KCNIP3: variants seen among roughly 807,000 people sequenced by gnomAD.
KCNIP3 encodes calsenilin.
A neutral mutation model predicts 35.0 loss-of-function variants in KCNIP3; 28 were observed. The observed-to-expected ratio is 0.80, with a 90% CI of 0.59 to 1.10. The LOEUF (loss-of-function observed/expected upper bound fraction) is 1.10. KCNIP3 is among the 50% of genes least tolerant of loss of function. The pLI is 0.00. For missense variants in KCNIP3, 295 were observed against 338.4 expected, an observed-to-expected ratio of 0.87 and a Z score of 1.01; for synonymous variants, 134 against 133.8, an observed-to-expected ratio of 1.00 and a Z score of -0.01.
In KCNIP3 at chr2:95,381,487, G is replaced by A. The variant is rs1454027344; in HGVS notation, c.448-109G>A. The A allele has an allele frequency of 1.3e-5, 10 of 742,224 alleles. No homozygotes were observed. The Admixed American group carries it at 1.9e-4, about 14-fold the overall frequency. The allele number at this position is 742,224 out of a possible 1,614,324, so 46.0% of individuals were successfully genotyped here. On this transcript the variant is annotated intron_variant, in intron 5 of 8. Coordinates refer to ENST00000295225, the MANE Select transcript of KCNIP3 (RefSeq NM_013434.5). ...ATGGATGCCGTCAGTCTCTTAGGGAGGCTCTGTGCCTGTTGGAGGCGTGAA... is the reference window on the plus strand; with the variant it reads ...ATGGATGCCGTCAGTCTCTTAGGGAAGCTCTGTGCCTGTTGGAGGCGTGAA...
intron 8 of KCNIP3, 138 bp from the exon 9 acceptor site, chr2:95,383,864 C>T: frequency 1.3e-6 from 1 of 768,528 alleles, no homozygotes; most frequent in South Asian, 1.5e-5. Context: ...CCTCCCTGTC[C>T]CCCAGCTCCC....
intron 1 of KCNIP3, among the ~76,000 whole-genome samples, chr2:95,309,430 T>TC (rs1678258200): frequency 6.7e-6 from 1 of 148,470 alleles, no homozygotes; most frequent in Non-Finnish European, 1.5e-5. Context: ...GCCCACTGCT[T>TC]TTTTTTTTTT....
At chr2:95,320,604 C>T (rs1678569909) in intron 2 of KCNIP3, among the ~76,000 whole-genome samples, 1 of 152,036 alleles carries the variant, frequency 6.6e-6, no homozygotes, top group African/African-American at 2.4e-5. Context: ...TGGGAGCATC[C>T]CCTCCGGCTC....
At chr2:95,321,093 C>T (rs1403868429) in intron 2 of KCNIP3, among the ~76,000 whole-genome samples, 1 of 151,012 alleles carries the variant, frequency 6.6e-6, no homozygotes, top group African/African-American at 2.4e-5. Flanking sequence ...GCCCCCCGAG[C>T]CTTCCCTAGG....
chr2:95,328,111 T>C (rs763636366), intron 2 of KCNIP3, among the ~76,000 whole-genome samples: 12 of 152,164 alleles, frequency 7.9e-5, no homozygotes, highest in Non-Finnish European at 1.6e-4. Context: ...CCTCACCCCA[T>C]GGGGACTTCA....
intron 2 of KCNIP3, among the ~76,000 whole-genome samples, chr2:95,318,310 A>G (rs2104222077): frequency 6.6e-6 from 1 of 152,170 alleles, no homozygotes; most frequent in African/African-American, 2.4e-5. Context: ...CACTGACTCG[A>G]CCGCCCAGGC....
intron 2 of KCNIP3, among the ~76,000 whole-genome samples, chr2:95,363,070 TC>T (rs930735430): frequency 1.3e-5 from 2 of 152,224 alleles, no homozygotes; most frequent in Admixed American, 1.3e-4. Context: ...GCTATCTTCT[TC>T]TATTCTGTTG....
chr2:95,299,531 G>A (rs1422225983), intron 1 of KCNIP3, among the ~76,000 whole-genome samples: 1 of 152,198 alleles, frequency 6.6e-6, no homozygotes, highest in Non-Finnish European at 1.5e-5. Flanking sequence ...GGGAGGCACT[G>A]CCATTCCTAT....
At chr2:95,345,426 G>A (rs1366285013) in intron 2 of KCNIP3, among the ~76,000 whole-genome samples, 2 of 152,246 alleles carry the variant, frequency 1.3e-5, no homozygotes, top group African/African-American at 4.8e-5. Flanking sequence ...ACGCGCCGCG[G>A]CTCCCACCCC....
Position 95,353,367 on chromosome 2 carries a change from C to G in KCNIP3, c.182-20929C>G, listed in dbSNP as rs537213047. On this transcript the variant is annotated intron_variant, in intron 2 of 8. Transcript: ENST00000295225. ...CCAGTTCAGCTCCCCCATGAAGGGC[C>G]TTCTGGGATCAGATCGGATTCAGAG... Among the ~76,000 whole-genome samples the G allele has an allele frequency of 4.5e-4, 68 of 152,340 alleles. 1 individual carries two copies. Among genetic ancestry groups the G allele is most frequent in the South Asian group, 1.0e-3 (5 of 4,824 alleles).
chr2:95,375,806 C>A (rs2104301556), intron 5 of KCNIP3, among the ~76,000 whole-genome samples: 1 of 152,246 alleles, frequency 6.6e-6, no homozygotes, highest in South Asian at 2.1e-4. Flanking sequence ...GAGAGAGGCC[C>A]CATCTGCGGA....
At chr2:95,363,997 G>A (rs546069761) in intron 2 of KCNIP3, among the ~76,000 whole-genome samples, 23 of 152,106 alleles carry the variant, frequency 1.5e-4, no homozygotes, top group South Asian at 4.2e-4. Flanking sequence ...TTCTCAATTC[G>A]TACACTATTT....
intron 2 of KCNIP3, among the ~76,000 whole-genome samples, chr2:95,344,304 G>T (rs544023156): frequency 5.9e-5 from 9 of 152,086 alleles, no homozygotes; most frequent in African/African-American, 2.2e-4. Flanking sequence ...TTCAGGGCTC[G>T]CCTGCTGGCT....
At chr2:95,346,864 C>T (rs1679384291) in intron 2 of KCNIP3, 1 of 286,440 alleles carries the variant, frequency 3.5e-6, no homozygotes, top group Non-Finnish European at 6.2e-6. Flanking sequence ...CACGGGGCCC[C>T]GGCCCAGCCA....
chr2:95,380,469 G>A (rs543393776), intron 5 of KCNIP3, among the ~76,000 whole-genome samples: 2 of 152,130 alleles, frequency 1.3e-5, no homozygotes, highest in Middle Eastern at 3.2e-3. Context: ...GTCCCACTTC[G>A]CTGGTACAGC....
Position 95,386,026 on chromosome 2 carries a change from A to T in KCNIP3, c.*1977A>T, listed in dbSNP as rs1249863693. ...TGGGAGGGTGGTTCCTGTTCTCAGC[A>T]TCCACTAATATTCAGTCCTGTATAT... On this transcript the variant is annotated 3_prime_UTR_variant, in exon 9 of 9. Coordinates refer to ENST00000295225, the MANE Select transcript of KCNIP3 (RefSeq NM_013434.5). 6.6e-6 allele frequency: 1 copy of T among 152,268 alleles called. No individual in the cohort carries two copies. Among genetic ancestry groups the T allele is most frequent in the Admixed American group, 6.5e-5 (1 of 15,290 alleles). The allele number at this position is 152,268 out of a possible 1,614,324, so 9.4% of individuals were successfully genotyped here. A position where few individuals can be genotyped will look rare whatever the true frequency, so the allele number is the denominator to read the frequency against.
intron 2 of KCNIP3, among the ~76,000 whole-genome samples, chr2:95,341,948 G>A (rs1001824003): frequency 6.6e-6 from 1 of 152,224 alleles, no homozygotes; most frequent in African/African-American, 2.4e-5. Context: ...GGAAAAGGAC[G>A]GGGGCGGGGT....
chr2:95,302,290 C>T (rs939559960), intron 1 of KCNIP3, among the ~76,000 whole-genome samples: 3 of 152,206 alleles, frequency 2.0e-5, no homozygotes, highest in African/African-American at 7.2e-5. Flanking sequence ...AATCGGGGGA[C>T]CCCCTTTGCC....
At position 95,375,148 on chromosome 2, in the gene KCNIP3, C is replaced by A; in HGVS notation, c.387C>A (p.Thr129=). The A allele has an allele frequency of 6.2e-7, 1 of 1,614,212 alleles. No individual in the cohort carries two copies. The highest frequency in any genetic ancestry group is 8.5e-7 in the Non-Finnish European group (1 of 1,180,022). The change falls in exon 5 of 9, where the codon ACC becomes ACA. Residue 129 remains threonine, a synonymous_variant. Transcript: ENST00000295225. ...CCTTGCCCTCCCCAGATGCCACCAC[C>A]TATGCACACTTCCTCTTCAACGCCT... The part of the protein sequence containing the change: ...AQFFPQGDAT[T]YAHFLFNAFD...
Sources: gnomAD v4.1 joint callset for allele counts (sites outside exome capture counted in the v4.1 genomes callset) on GRCh38, gnomAD v4.1.1 for gene constraint, MANE v1.5 for transcripts, NCBI Gene and HGNC (gene_info 2026-07-23, HGNC 2026-07-21) for gene names.